Variants in ADGRL4 observed in about 807,000 individuals in gnomAD.
ADGRL4 encodes EGF, latrophilin and seven transmembrane domain containing 1.
Under a neutral mutation model 74.8 loss-of-function variants are expected in ADGRL4, and 90 were observed. That is an observed-to-expected ratio of 1.20 (90% CI 1.02 to 1.43). The LOEUF is 1.43. Among genes scored for constraint, ADGRL4 ranks in the 40% most tolerant of loss-of-function variants. ADGRL4 has a pLI of 0.00. For missense variants in ADGRL4, 881 were observed against 814.3 expected (o/e 1.08, Z -1.00); for synonymous variants, 311 against 279.2 (o/e 1.11, Z -1.14).
Position 78,933,037 on chromosome 1 carries a change from C to CA in ADGRL4, c.877+3257dup, listed in dbSNP as rs1424597276. 2.6e-5 allele frequency among the ~76,000 whole-genome samples: 4 copies of CA among 151,256 alleles called. 1 individual carries two copies. The East Asian group carries it at 5.8e-4, about 22-fold the overall frequency. On this transcript the variant is annotated intron_variant, in intron 7 of 14. Coordinates refer to ENST00000370742, the MANE Select transcript of ADGRL4 (RefSeq NM_022159.4). The stretch of plus-strand genomic sequence containing the variant: ...GGTGTTATTCCTTTTGAAACTATTC[C>CA]AAAAAATTGAGGAGGAGGGAATCCT...
intron 2 of ADGRL4, among the ~76,000 whole-genome samples, chr1:78,988,068 A>C (rs1354738025): frequency 6.6e-6 from 1 of 151,830 alleles, no homozygotes; most frequent in Admixed American, 6.6e-5. Flanking sequence ...TAGAATTTAA[A>C]ATAACATACT....
intron 2 of ADGRL4, among the ~76,000 whole-genome samples, chr1:78,985,570 A>G (rs573023969): frequency 3.9e-4 from 60 of 151,980 alleles, no homozygotes; most frequent in African/African-American, 1.4e-3. Flanking sequence ...AGATTTGTTA[A>G]TAACTATTGC....
At position 78,943,200 on chromosome 1, in the gene ADGRL4, G is replaced by A. The variant is rs1649528526; in HGVS notation, c.325+3074C>T. ...GAAAAAAAAATCTACAATTATCATC[G>A]AGTGCTCCAGGCAGTAGGACATTAC... is the stretch of plus-strand genomic sequence containing the variant. On this transcript the variant is annotated intron_variant, in intron 3 of 14. Transcript: ENST00000370742. Among the ~76,000 whole-genome samples the A allele has an allele frequency of 2.0e-5, 3 of 151,864 alleles. No individual in the cohort carries two copies. The South Asian group carries it at 6.2e-4, about 32-fold the overall frequency.
At chr1:78,955,584 T>C (rs764496245) in intron 2 of ADGRL4, among the ~76,000 whole-genome samples, 2 of 152,100 alleles carry the variant, frequency 1.3e-5, no homozygotes, top group Non-Finnish European at 2.9e-5. Flanking sequence ...ATCTCTAAAA[T>C]AATATGCAGT....
At chr1:78,949,783 A>G (rs1649684707) in intron 2 of ADGRL4, among the ~76,000 whole-genome samples, 1 of 152,182 alleles carries the variant, frequency 6.6e-6, no homozygotes, top group Non-Finnish European at 1.5e-5. Flanking sequence ...TAATTTTGGT[A>G]GATTGTAAAA....
chr1:78,981,834 T>C (rs1033199542), intron 2 of ADGRL4, among the ~76,000 whole-genome samples: 2 of 151,850 alleles, frequency 1.3e-5, no homozygotes, highest in African/African-American at 4.8e-5. Flanking sequence ...AATTTAATTA[T>C]TTAAGATATT....
intron 7 of ADGRL4, 63 bp from the exon 8 acceptor site, chr1:78,927,154 A>G (rs1195521065): frequency 2.8e-6 from 3 of 1,074,904 alleles, no homozygotes; most frequent in Admixed American, 2.2e-5. Flanking sequence ...TAGACTCTTA[A>G]GATAAACATA....
chr1:78,999,906 G>A (rs1021552996), intron 2 of ADGRL4, among the ~76,000 whole-genome samples: 3 of 151,252 alleles, frequency 2.0e-5, no homozygotes, highest in Admixed American at 2.0e-4. Context: ...ACAGAAAATG[G>A]TATTCTTAAT....
Position 78,937,743 on chromosome 1 carries a change from C to G in ADGRL4, c.760+64G>C, listed in dbSNP as rs1649384483. On this transcript the variant is annotated intron_variant, in intron 6 of 14. Coordinates refer to ENST00000370742, the MANE Select transcript of ADGRL4 (RefSeq NM_022159.4). Reference sequence around the variant, plus strand: ...CAACACCATGCCTCCTAACCCCACCCAAAACTTTGAAAATGGCTTATTTGG... The same window carrying G: ...CAACACCATGCCTCCTAACCCCACCGAAAACTTTGAAAATGGCTTATTTGG... 2.0e-6 allele frequency: 3 copies of G among 1,509,680 alleles called. No individual in the cohort carries two copies. In the Admixed American group the frequency reaches 6.0e-5, roughly 30 times the overall value. The allele number at this position is 1,509,680 out of a possible 1,614,324, so 93.5% of individuals were successfully genotyped here.
chr1:78,973,462 A>C (rs1650210736), intron 2 of ADGRL4, among the ~76,000 whole-genome samples: 1 of 151,706 alleles, frequency 6.6e-6, no homozygotes, highest in South Asian at 2.1e-4. Context: ...GTTTCAAATA[A>C]GGAATACTTT....
chr1:78,906,342 T>C (rs1403838731), intron 12 of ADGRL4, among the ~76,000 whole-genome samples: 1 of 152,044 alleles, frequency 6.6e-6, no homozygotes, highest in African/African-American at 2.4e-5. Context: ...ATTAGGAATA[T>C]TTTAATAGTG....
rs137866152 is a variant in ADGRL4 at position 79,000,970 on chromosome 1, C to G, written c.172+4100G>C. On this transcript the variant is annotated intron_variant, in intron 2 of 14. Coordinates refer to ENST00000370742, the MANE Select transcript of ADGRL4 (RefSeq NM_022159.4). ...AAAAATTCCCTAAGATTTTTAGTAA[C>G]ATATCTTGTACATGAAGCAAAACAT... Among the ~76,000 whole-genome samples the G allele has an allele frequency of 1.8e-4, 27 of 152,108 alleles. No homozygotes were observed. The East Asian group carries it at 5.2e-3, about 29-fold the overall frequency.
Position 78,978,405 on chromosome 1 carries a change from A to T in ADGRL4, c.172+26665T>A, listed in dbSNP as rs189289657. Among the ~76,000 whole-genome samples the T allele has an allele frequency of 2.7e-4, 41 of 152,086 alleles. No homozygotes were observed. The East Asian group carries it at 6.4e-3, about 24-fold the overall frequency. ...AGCTGACATTGTAGAAGTGAAAGGC[A>T]TCACCTCTGTCCACAAGAACATGAA... On this transcript the variant is annotated intron_variant, in intron 2 of 14. Transcript: ENST00000370742.
chr1:78,919,187 T>C (rs925676874), intron 10 of ADGRL4, among the ~76,000 whole-genome samples: 11 of 152,004 alleles, frequency 7.2e-5, no homozygotes, highest in Non-Finnish European at 1.2e-4. Flanking sequence ...TTTCAGTCTT[T>C]GAAAGATTTC....
At chr1:78,945,903 C>T (rs1303798034) in intron 3 of ADGRL4, among the ~76,000 whole-genome samples, 1 of 151,960 alleles carries the variant, frequency 6.6e-6, no homozygotes, top group Non-Finnish European at 1.5e-5. Flanking sequence ...TTACAAAGGC[C>T]TCAGTATCTT....
chr1:78,904,385 T>C (rs1045277902), intron 12 of ADGRL4, among the ~76,000 whole-genome samples: 1 of 152,058 alleles, frequency 6.6e-6, no homozygotes, highest in African/African-American at 2.4e-5. Flanking sequence ...AATGCTAATA[T>C]TTTAGTGAGA....
chr1:78,989,453 ATAAT>A (rs924405278), intron 2 of ADGRL4, among the ~76,000 whole-genome samples: 6 of 151,430 alleles, frequency 4.0e-5, no homozygotes, highest in African/African-American at 1.2e-4. Flanking sequence ...TCTTACTTTA[ATAAT>A]TAAATAAATT....
intron 12 of ADGRL4, among the ~76,000 whole-genome samples, chr1:78,903,176 C>G (rs1470422423): frequency 6.6e-6 from 1 of 152,134 alleles, no homozygotes; most frequent in African/African-American, 2.4e-5. Flanking sequence ...ATTTGTTCCT[C>G]AAGGTGGAGG....
intron 2 of ADGRL4, among the ~76,000 whole-genome samples, chr1:78,974,862 A>G (rs1224226491): frequency 2.0e-5 from 3 of 152,296 alleles, no homozygotes; most frequent in Non-Finnish European, 2.9e-5. Flanking sequence ...AATTCAGGAT[A>G]ATCGACTATT....
Sources: allele counts gnomAD v4.1 joint callset (sites outside exome capture counted in the v4.1 genomes callset), GRCh38; gene constraint gnomAD v4.1.1; transcripts MANE v1.5; gene names NCBI Gene and HGNC (gene_info 2026-07-23, HGNC 2026-07-21).